The following DPP10 variants were observed in gnomAD, a reference collection of about 807,000 sequenced individuals.
DPP10 encodes the protein dipeptidyl peptidase like 10.
In DPP10, 33 loss-of-function variants were observed where a neutral mutation model predicts 120.9. The observed-to-expected ratio is 0.27, with a 90% CI of 0.21 to 0.37. The LOEUF (loss-of-function observed/expected upper bound fraction) is 0.37, where lower values mean the gene tolerates loss of function less well. Among genes scored for constraint, DPP10 ranks in the 10% least tolerant of loss-of-function variants. DPP10 has a pLI of 1.00. For missense variants in DPP10, 816 were observed against 942.8 expected, an observed-to-expected ratio of 0.87 and a Z score of 1.76; for synonymous variants, 337 against 326.1, an observed-to-expected ratio of 1.03 and a Z score of -0.36.
chr2:115,678,352 A>T (rs961940107), intron 5 of DPP10, among the ~76,000 whole-genome samples: 4 of 152,206 alleles, frequency 2.6e-5, no homozygotes, highest in African/African-American at 9.6e-5. Flanking sequence ...TTGGTGCCCT[A>T]CTTTCCAGCT....
At chr2:114,509,376 C>G (rs926519492) in intron 1 of DPP10, among the ~76,000 whole-genome samples, 5 of 152,134 alleles carry the variant, frequency 3.3e-5, no homozygotes, top group Non-Finnish European at 5.9e-5. Flanking sequence ...ATCGGATCAC[C>G]AAAACAACCC....
intron 21 of DPP10, among the ~76,000 whole-genome samples, chr2:115,835,380 G>A (rs988449048): frequency 1.3e-5 from 2 of 152,112 alleles, no homozygotes; most frequent in South Asian, 2.1e-4. Flanking sequence ...TAGTGAAGTC[G>A]ATTTCTTCTC....
chr2:115,204,655 C>A (rs1378655638), intron 1 of DPP10, among the ~76,000 whole-genome samples: 1 of 152,092 alleles, frequency 6.6e-6, no homozygotes, highest in African/African-American at 2.4e-5. Context: ...TAACAAAAAA[C>A]CAAACTCACT....
At chr2:114,445,670 A>G (rs1305091078) in intron 1 of DPP10, among the ~76,000 whole-genome samples, 2 of 151,776 alleles carry the variant, frequency 1.3e-5, no homozygotes, top group Non-Finnish European at 2.9e-5. Context: ...TGTGGCCATG[A>G]TGTGTCAGAG....
Position 115,171,189 on chromosome 2 carries a change from T to C in DPP10, c.61-138050T>C, listed in dbSNP as rs569812880. Among the ~76,000 whole-genome samples the C allele has an allele frequency of 4.6e-5, 7 of 151,932 alleles. No homozygotes were observed. In the South Asian group the frequency reaches 1.0e-3, roughly 23 times the overall value. On this transcript the variant is annotated intron_variant, in intron 1 of 25. Coordinates refer to ENST00000410059, the MANE Select transcript of DPP10 (RefSeq NM_020868.6). ...CAGGCTGGCCAACATGGTGAAACCT[T>C]GTCTCTACTAAAAATACAAAAATTA...
chr2:115,268,924 G>GTA (rs2059575194), intron 1 of DPP10, among the ~76,000 whole-genome samples: 1 of 144,730 alleles, frequency 6.9e-6, no homozygotes, highest in Non-Finnish European at 1.5e-5. Context: ...CCGAGGCGGC[G>GTA]GATCATGAGG....
At chr2:114,916,606 C>T (rs1694822939) in intron 1 of DPP10, among the ~76,000 whole-genome samples, 1 of 152,106 alleles carries the variant, frequency 6.6e-6, no homozygotes, top group Admixed American at 6.5e-5. Context: ...TGGAGCAGCA[C>T]ATCAAAAAGC....
At chr2:115,627,822 TC>T (rs1312494411) in intron 5 of DPP10, among the ~76,000 whole-genome samples, 1 of 152,158 alleles carries the variant, frequency 6.6e-6, no homozygotes, top group African/African-American at 2.4e-5. Flanking sequence ...GGATAATGGC[TC>T]CCGGCTCCAT....
At chr2:115,018,284 G>A (rs976238183) in intron 1 of DPP10, among the ~76,000 whole-genome samples, 1 of 152,194 alleles carries the variant, frequency 6.6e-6, no homozygotes, top group African/African-American at 2.4e-5. Flanking sequence ...TTCAACCAAT[G>A]TGGAAGACAG....
intron 1 of DPP10, among the ~76,000 whole-genome samples, chr2:115,279,652 C>CTTT (rs1244784112): frequency 5.7e-5 from 2 of 35,248 alleles, no homozygotes; most frequent in Non-Finnish European, 1.2e-4. Flanking sequence ...TTTTTTTCTT[C>CTTT]TTCTTTTTTT....
intron 7 of DPP10, among the ~76,000 whole-genome samples, chr2:115,690,593 A>G (rs2091262748): frequency 6.6e-6 from 1 of 152,084 alleles, no homozygotes; most frequent in Non-Finnish European, 1.5e-5. Context: ...TTATATTTTT[A>G]GTAGAGACGG....
intron 1 of DPP10, among the ~76,000 whole-genome samples, chr2:115,202,515 C>T (rs1280344083): frequency 1.3e-5 from 2 of 152,178 alleles, no homozygotes; most frequent in Non-Finnish European, 2.9e-5. Context: ...AGTGGACCTA[C>T]TTGCCTCTAC....
intron 3 of DPP10, among the ~76,000 whole-genome samples, chr2:115,481,769 C>A (rs1455438577): frequency 1.3e-5 from 2 of 151,938 alleles, no homozygotes; most frequent in Non-Finnish European, 2.9e-5. Context: ...TACTATGTAT[C>A]ATTATTTCAT....
intron 1 of DPP10, among the ~76,000 whole-genome samples, chr2:114,480,348 G>T (rs540634897): frequency 1.3e-5 from 2 of 151,932 alleles, no homozygotes; most frequent in African/African-American, 2.4e-5. Context: ...CAGCCATCCC[G>T]TTACTGGGTA....
At chr2:114,814,898 G>A (rs1685497094) in intron 1 of DPP10, among the ~76,000 whole-genome samples, 1 of 152,218 alleles carries the variant, frequency 6.6e-6, no homozygotes, top group East Asian at 1.9e-4. Context: ...CAACCGTGGA[G>A]GAGCTGCCAT....
intron 5 of DPP10, among the ~76,000 whole-genome samples, chr2:115,583,190 C>T (rs2082096749): frequency 6.6e-6 from 1 of 152,170 alleles, no homozygotes; most frequent in Non-Finnish European, 1.5e-5. Context: ...TACTAGGAAA[C>T]AAGTTCCTTG....
chr2:115,499,544 T>G lies in DPP10; in HGVS notation c.306T>G (p.His102Gln). 1.2e-6 allele frequency: 2 copies of G among 1,611,956 alleles called. No individual in the cohort carries two copies. The highest frequency in any genetic ancestry group is 1.7e-6 in the Non-Finnish European group (2 of 1,178,724). Residue 102 changes from histidine (H) to glutamine (Q), a missense_variant, in exon 4 of 26, where the codon CAT becomes CAG. Coordinates refer to ENST00000410059, the MANE Select transcript of DPP10 (RefSeq NM_020868.6). ...TGGTGTATAAAAGCGAGAATGGACA[T>G]GTCATTAAACTGAATATAGAAACAA... The part of the protein sequence containing the change: ...TDVVYKSENG[H>Q]VIKLNIETNA...
chr2:115,441,502 A>C (rs1558664124), intron 3 of DPP10, among the ~76,000 whole-genome samples: 2 of 152,284 alleles, frequency 1.3e-5, no homozygotes, highest in East Asian at 3.9e-4. Flanking sequence ...AATCTTTCCT[A>C]CTTCTGCCTA....
chr2:114,478,705 A>C (rs982852222), intron 1 of DPP10, among the ~76,000 whole-genome samples: 1 of 152,166 alleles, frequency 6.6e-6, no homozygotes, highest in Non-Finnish European at 1.5e-5. Flanking sequence ...AAAAACTTAC[A>C]TAACAAGTGG....
Sources: allele counts gnomAD v4.1 joint callset (sites outside exome capture counted in the v4.1 genomes callset), GRCh38; gene constraint gnomAD v4.1.1; transcripts MANE v1.5; gene names NCBI Gene and HGNC (gene_info 2026-07-23, HGNC 2026-07-21).